Variants in GALNT13 observed in about 807,000 individuals in gnomAD.
The protein encoded by GALNT13 is UDP-GalNAc:polypeptide N-acetylgalactosaminyltransferase 13.
A neutral mutation model predicts 64.2 loss-of-function variants in GALNT13; 28 were observed. The observed-to-expected ratio is 0.44, with a 90% CI of 0.32 to 0.60. The LOEUF is 0.60. Ranked by LOEUF, GALNT13 falls within the 20% of genes least tolerant of loss-of-function variation. The pLI, the probability that GALNT13 is intolerant of heterozygous loss-of-function variation, is 0.05. For missense variants in GALNT13, 577 were observed against 669.8 expected (o/e 0.86, Z 1.53); for synonymous variants, 214 against 224.6 (o/e 0.95, Z 0.42).
chr2:153,426,031 G>A, the GALNT13 span, among the ~76,000 whole-genome samples: 1 of 151,634 alleles, frequency 6.6e-6, no homozygotes, highest in Admixed American at 6.6e-5. Context: ...TTGTTTATTA[G>A]GTCATACACT....
At chr2:153,091,793 G>T in the GALNT13 span, among the ~76,000 whole-genome samples, 1 of 152,154 alleles carries the variant, frequency 6.6e-6, no homozygotes, top group East Asian at 1.9e-4. Context: ...TTTGTCGGTT[G>T]TTTCTTCACT....
intron 9 of GALNT13, among the ~76,000 whole-genome samples, chr2:154,380,639 G>A (rs572003834): frequency 5.3e-5 from 8 of 152,018 alleles, no homozygotes; most frequent in Admixed American, 1.3e-4. Flanking sequence ...ACACAAAGGG[G>A]CAACATATTG....
chr2:154,081,141 G>A (rs184528587), intron 3 of GALNT13, among the ~76,000 whole-genome samples: 1 of 151,562 alleles, frequency 6.6e-6, no homozygotes, highest in East Asian at 2.0e-4. Flanking sequence ...CAACTCCACA[G>A]AGAAGTCATG....
intron 3 of GALNT13, among the ~76,000 whole-genome samples, chr2:154,095,240 C>T (rs562625463): frequency 4.6e-5 from 7 of 151,746 alleles, no homozygotes; most frequent in Non-Finnish European, 7.4e-5. Flanking sequence ...AGTTCATTGT[C>T]CAGATGATTT....
the GALNT13 span, among the ~76,000 whole-genome samples, chr2:153,566,351 T>TTTTTTTTC: frequency 1.6e-5 from 1 of 64,186 alleles, no homozygotes; most frequent in East Asian, 3.4e-4. Flanking sequence ...TAATCACGTT[T>TTTTTTTTC]TTTTTTTTTT....
intron 4 of GALNT13, among the ~76,000 whole-genome samples, chr2:154,181,127 T>C (rs1685935790): frequency 1.3e-5 from 2 of 152,178 alleles, no homozygotes; most frequent in Admixed American, 1.3e-4. Flanking sequence ...CAATTTCCCA[T>C]TGATACCAAG....
intron 3 of GALNT13, among the ~76,000 whole-genome samples, chr2:154,111,772 G>T (rs963678807): frequency 4.6e-5 from 7 of 152,132 alleles, no homozygotes; most frequent in African/African-American, 1.4e-4. Flanking sequence ...GGAGAACTTT[G>T]CCTCAGCCCT....
At chr2:153,401,053 G>C in the GALNT13 span, among the ~76,000 whole-genome samples, 2 of 151,494 alleles carry the variant, frequency 1.3e-5, no homozygotes, top group Non-Finnish European at 3.0e-5. Flanking sequence ...GCTTTCTCTT[G>C]TGGGCATTTA....
chr2:153,234,883 G>A, the GALNT13 span, among the ~76,000 whole-genome samples: 1 of 152,130 alleles, frequency 6.6e-6, no homozygotes, highest in Non-Finnish European at 1.5e-5. Context: ...TCAATTACAG[G>A]CATATGCCAT....
the GALNT13 span, among the ~76,000 whole-genome samples, chr2:153,257,408 G>A: frequency 0.042 from 6,342 of 152,030 alleles, 195 homozygotes; most frequent in Admixed American, 0.095. Context: ...GAAATCACCC[G>A]TCTTCTGCGT....
chr2:153,540,019 C>A, the GALNT13 span, among the ~76,000 whole-genome samples: 1 of 152,158 alleles, frequency 6.6e-6, no homozygotes, highest in Admixed American at 6.5e-5. Context: ...TAATGAGGAG[C>A]CAAATGTTAA....
chr2:153,550,851 C>T, the GALNT13 span, among the ~76,000 whole-genome samples: 1 of 152,026 alleles, frequency 6.6e-6, no homozygotes, highest in Admixed American at 6.6e-5. Flanking sequence ...TAGCAATTTT[C>T]TAGACATTGG....
chr2:154,434,666 C>A (rs964646473), intron 11 of GALNT13, among the ~76,000 whole-genome samples: 1 of 151,882 alleles, frequency 6.6e-6, no homozygotes, highest in Admixed American at 6.6e-5. Flanking sequence ...TGTTTGTAGA[C>A]CTAGCTTGAC....
the GALNT13 span, among the ~76,000 whole-genome samples, chr2:153,180,788 A>G: frequency 6.6e-6 from 1 of 151,590 alleles, no homozygotes; most frequent in Non-Finnish European, 1.5e-5. Context: ...TTTATCTAAT[A>G]ATTCATTCAT....
Position 154,396,134 on chromosome 2 carries a change from T to A in GALNT13, c.1296+4T>A, listed in dbSNP as rs748854591. On this transcript the variant is annotated splice_donor_region_variant and intron_variant, in intron 10 of 12. Transcript: ENST00000392825. ...ACGTTATTACTCACTTGGTGAGGTATGAATTATTTATTTTGGTTAAGTTAT... is the reference window on the plus strand; with the variant it reads ...ACGTTATTACTCACTTGGTGAGGTAAGAATTATTTATTTTGGTTAAGTTAT... 24 of 1,575,312 alleles carry A rather than the reference T, an allele frequency of 1.5e-5. 1 individual carries two copies. In the South Asian group the frequency reaches 2.7e-4, roughly 18 times the overall value.
chr2:153,511,441 T>G, the GALNT13 span, among the ~76,000 whole-genome samples: 26 of 152,206 alleles, frequency 1.7e-4, no homozygotes, highest in Admixed American at 8.5e-4. Context: ...TCAAGAGATG[T>G]GGAACTCCTT....
At chr2:153,883,283 A>G (rs1005295115) in intron 1 of GALNT13, among the ~76,000 whole-genome samples, 2 of 151,872 alleles carry the variant, frequency 1.3e-5, no homozygotes, top group African/African-American at 4.8e-5. Flanking sequence ...GATGGAAAAT[A>G]TGAGTCACAG....
chr2:154,363,830 T>TC (rs1697213400), intron 9 of GALNT13, among the ~76,000 whole-genome samples: 1 of 152,234 alleles, frequency 6.6e-6, no homozygotes, highest in South Asian at 2.1e-4. Flanking sequence ...AAGTGCTTTA[T>TC]CCCATCTACA....
chr2:153,252,584 C>A, the GALNT13 span, among the ~76,000 whole-genome samples: 1 of 152,034 alleles, frequency 6.6e-6, no homozygotes, highest in Non-Finnish European at 1.5e-5. Flanking sequence ...AGGTTTTCTT[C>A]TAGGGTTTTT....
Sources: allele counts gnomAD v4.1 joint callset (sites outside exome capture counted in the v4.1 genomes callset), GRCh38; gene constraint gnomAD v4.1.1; transcripts MANE v1.5; gene names NCBI Gene and HGNC (gene_info 2026-07-23, HGNC 2026-07-21).